MYO7A: variants seen among roughly 807,000 people sequenced by gnomAD.
The protein encoded by MYO7A is unconventional myosin-VIIa.
A neutral mutation model predicts 263.8 loss-of-function variants in MYO7A; 210 were observed. The ratio of observed to expected loss-of-function variants is 0.80; its 90% CI spans 0.71 to 0.89. MYO7A has a LOEUF of 0.89. Among genes scored for constraint, MYO7A ranks in the 40% least tolerant of loss-of-function variants. The probability of loss-of-function intolerance (pLI) is 0.00; values close to 1 mark genes in which losing one functional copy is unlikely to be tolerated. For missense variants in MYO7A, 2,820 were observed against 2,968.3 expected (o/e 0.95, Z 1.16); for synonymous variants, 1,239 against 1,197.3 (o/e 1.03, Z -0.72).
chr11:77,209,101 A>C, intron 44 of MYO7A: 1 of 366,666 alleles, frequency 2.7e-6, no homozygotes, highest in African/African-American at 2.0e-5. Flanking sequence ...CTGCTGTTGT[A>C]ACTGGGTAAT....
intron 40 of MYO7A, 37 bp downstream of exon 40, chr11:77,205,654 G>T (rs769419590): frequency 1.1e-5 from 17 of 1,610,452 alleles, no homozygotes; most frequent in Admixed American, 3.3e-5. Flanking sequence ...AGACACTGGG[G>T]CGGGCTCCTG....
intron 32 of MYO7A, among the ~76,000 whole-genome samples, chr11:77,196,629 C>T (rs930378016): frequency 1.3e-5 from 2 of 152,182 alleles, no homozygotes; most frequent in African/African-American, 4.8e-5. Flanking sequence ...TGTCTCTCTG[C>T]CTACATATGT....
In MYO7A at chr11:77,181,440, G is replaced by A. The variant is rs782787324; in HGVS notation, c.2755G>A (p.Ala919Thr). The change falls in exon 23 of 49, where the codon GCT (alanine) becomes ACT (threonine). Residue 919 changes from alanine (A) to threonine (T), a missense_variant. By Grantham distance (58) the Ala-to-Thr change is moderately conservative (BLOSUM62 0). Coordinates refer to ENST00000409709, the MANE Select transcript of MYO7A (RefSeq NM_000260.4). ...AERELKEKEA[A>T]RRKKELLEQM... ...GCGGGAGCTGAAGGAGAAGGAGGCC[G>A]CTCGGCGGAAGAAGGAGCTCCTGGA... 3.9e-5 allele frequency: 62 copies of A among 1,602,306 alleles called. No homozygotes were observed. Among genetic ancestry groups the A allele is most frequent in the African/African-American group, 3.6e-4 (27 of 74,804 alleles).
In MYO7A at chr11:77,180,018, C is replaced by T. The variant is rs73495760; in HGVS notation, c.2586+65C>T. On this transcript the variant is annotated intron_variant, in intron 21 of 48. Transcript: ENST00000409709. The stretch of plus-strand genomic sequence containing the variant: ...TGGGCGAGGAGTGTCCATGCATCAC[C>T]CTCAGGTGTTGGCCAGGAAGTGGGA... 5,868 of 1,451,078 alleles carry T rather than the reference C, an allele frequency of 4.0e-3. 209 individuals carry two copies. The African/African-American group carries it at 0.072, about 18-fold the overall frequency. The allele number at this position is 1,451,078 out of a possible 1,614,324, so 89.9% of individuals were successfully genotyped here.
intron 42 of MYO7A, 121 bp downstream of exon 42, chr11:77,207,523 C>T (rs1169493384): frequency 6.3e-5 from 47 of 747,080 alleles, no homozygotes; most frequent in Non-Finnish European, 8.3e-5. Context: ...GGCATCTGGC[C>T]ATCTTCTTCC....
chr11:77,172,165 T>A (rs1419476160), intron 15 of MYO7A, among the ~76,000 whole-genome samples: 1 of 152,210 alleles, frequency 6.6e-6, no homozygotes, highest in Admixed American at 6.5e-5. Context: ...TCTAGGTTGC[T>A]GTTTACTGAA....
At chr11:77,190,221 G>C in intron 29 of MYO7A, 82 bp downstream of exon 29, 1 of 1,308,968 alleles carries the variant, frequency 7.6e-7, no homozygotes, top group Non-Finnish European at 1.0e-6. Context: ...CAGTGCACTC[G>C]AGTGCCCCAG....
In MYO7A at chr11:77,202,321, G is replaced by A. The variant is rs544639673; in HGVS notation, c.5065G>A (p.Asp1689Asn). The A allele has an allele frequency of 3.0e-5, 47 of 1,586,216 alleles. No homozygotes were observed. The East Asian group carries it at 6.7e-4, about 22-fold the overall frequency. Residue 1689 changes from aspartate (D) to asparagine (N), a missense_variant, in exon 37 of 49, where the codon GAT becomes AAT. Coordinates refer to ENST00000409709, the MANE Select transcript of MYO7A (RefSeq NM_000260.4). Reference protein sequence around the residue: ...EIVALVTMTPDQRQDVVRLLQ... With the variant: ...EIVALVTMTPNQRQDVVRLLQ... ...CTAGGCCCTGGTCACCATGACTCCC[G>A]ATCAGAGGCAGGACGTTGTCCGGCT...
chr11:77,182,000 C>T lies in MYO7A; in HGVS notation c.2954C>T (p.Ala985Val), dbSNP rs782399117. 1.2e-6 allele frequency: 2 copies of T among 1,613,202 alleles called. No individual in the cohort carries two copies. ...ATGGTGGAGGAGGACCTGGATGCAG[C>T]CCTGCCCCTGCCTGACGAGGATGAG... ...REMVEEDLDA[A>V]LPLPDEDEED... is the part of the protein sequence containing the mutation. The change falls in exon 24 of 49, where the codon GCC becomes GTC. Residue 985 changes from alanine (A) to valine (V), a missense_variant. By Grantham distance (64) the Ala-to-Val change is moderately conservative. Transcript: ENST00000409709.
rs557583261 is a variant in MYO7A, at chr11:77,202,157, G to A, written c.5044-143G>A. The stretch of plus-strand genomic sequence containing the variant: ...GACCTCAGAGACCCCAAGGAGGAAC[G>A]GGGCTCCCAGGGTCAGAATGGGGCA... On this transcript the variant is annotated intron_variant, in intron 36 of 48. Coordinates refer to ENST00000409709, the MANE Select transcript of MYO7A (RefSeq NM_000260.4). 8.1e-5 allele frequency: 88 copies of A among 1,087,104 alleles called. No homozygotes were observed. The East Asian group carries it at 1.3e-3, about 17-fold the overall frequency. The allele number at this position is 1,087,104 out of a possible 1,614,324, so 67.3% of individuals were successfully genotyped here.
intron 3 of MYO7A, among the ~76,000 whole-genome samples, chr11:77,146,906 G>A (rs1951610047): frequency 2.0e-5 from 3 of 152,102 alleles, no homozygotes; most frequent in Admixed American, 2.0e-4. Context: ...CCAGGGCTTT[G>A]CCAGCTTGTT....
At chr11:77,154,630 C>A (rs2135208245) in intron 4 of MYO7A, among the ~76,000 whole-genome samples, 1 of 151,646 alleles carries the variant, frequency 6.6e-6, no homozygotes, top group South Asian at 2.1e-4. Flanking sequence ...CCCGCCCCCA[C>A]CCCACCCCAG....
At position 77,204,085 on chromosome 11, in the gene MYO7A, A is replaced by G. The variant is rs1350260477; in HGVS notation, c.5336A>G (p.Lys1779Arg). The G allele has an allele frequency of 1.2e-6, 2 of 1,600,668 alleles. No homozygotes were observed. The highest frequency in any genetic ancestry group is 1.7e-5 in the Admixed American group (1 of 58,498). ...CCTTGACAGTCCCCAGCTGTGCTCA[A>G]GTACATGGGCGACTACCCGTCCAAG... is the stretch of plus-strand genomic sequence containing the variant. ...EACLAFIAVL[K>R]YMGDYPSKRT... The change falls in exon 39 of 49, where the codon AAG (lysine) becomes AGG (arginine). Residue 1779 changes from lysine to arginine, a missense_variant. Transcript: ENST00000409709.
At position 77,161,113 on chromosome 11, in the gene MYO7A, C is replaced by T; in HGVS notation, c.1341C>T (p.Asn447=). ...DIFGFENFAV[N]SFEQLCINFA... ...TTGGGTTTGAGAACTTTGCTGTGAA[C>T]AGGTACCGCGTGGGGCTCTGCTCAT... Residue 447 remains asparagine, a splice_region_variant and synonymous_variant, in exon 12 of 49, where the codon AAC becomes AAT. Coordinates refer to ENST00000409709, the MANE Select transcript of MYO7A (RefSeq NM_000260.4). The T allele has an allele frequency of 1.9e-6, 3 of 1,614,010 alleles. No individual in the cohort carries two copies. Among genetic ancestry groups the T allele is most frequent in the Non-Finnish European group, 2.5e-6 (3 of 1,179,876 alleles).
In MYO7A at chr11:77,211,232, C is replaced by A; in HGVS notation, c.6132C>A (p.Val2044=). ...AGCTGGGGGCGCTGATCTACAGGGT[C>A]AAGTTCGAGGAGGACAAGTCCTACT... is the stretch of plus-strand genomic sequence containing the variant. ...VLQLGALIYR[V]KFEEDKSYFP... Residue 2044 remains valine (V), a synonymous_variant, in exon 45 of 49, where the codon GTC becomes GTA. Transcript: ENST00000409709. 6.3e-7 allele frequency: 1 copy of A among 1,588,708 alleles called. No individual in the cohort carries two copies. The highest frequency in any genetic ancestry group is 8.6e-7 in the Non-Finnish European group (1 of 1,167,808).
At position 77,198,633 on chromosome 11, in the gene MYO7A, C is replaced by G. The variant is rs72933642; in HGVS notation, c.4568+12C>G. ...GTGTCCAGCAGCAGGTGAGGAGGCC[C>G]GCATGGAGATGCAGACAGACAGAGG... On this transcript the variant is annotated intron_variant, in intron 34 of 48. Coordinates refer to ENST00000409709, the MANE Select transcript of MYO7A (RefSeq NM_000260.4). The G allele has an allele frequency of 6.7e-3, 10,796 of 1,613,342 alleles. 192 individuals carry two copies. Among genetic ancestry groups the G allele is most frequent in the East Asian group, 0.01 (467 of 44,874 alleles).
chr11:77,168,966 TA>T (rs1565374136), intron 15 of MYO7A, among the ~76,000 whole-genome samples: 1 of 152,238 alleles, frequency 6.6e-6, no homozygotes, highest in Non-Finnish European at 1.5e-5. Flanking sequence ...CCCTGCTTTT[TA>T]AAAAATAATT....
chr11:77,205,531 C>T lies in MYO7A; in HGVS notation c.5550C>T (p.Leu1850=), dbSNP rs1056857935. The change falls in exon 40 of 49, where the codon CTC becomes CTT. Residue 1850 remains leucine (L), a synonymous_variant. Coordinates refer to ENST00000409709, the MANE Select transcript of MYO7A (RefSeq NM_000260.4). ...GCCTTTTCCCACCCAGCAACATCCTCCTGCCCCACGTGCAGCGCTTCCTGC... is the reference window on the plus strand; with the variant it reads ...GCCTTTTCCCACCCAGCAACATCCTTCTGCCCCACGTGCAGCGCTTCCTGC... The part of the protein sequence containing the change: ...CTGLFPPSNI[L]LPHVQRFLQS... 5 of 1,608,320 alleles carry T rather than the reference C, an allele frequency of 3.1e-6. No homozygotes were observed. The highest frequency in any genetic ancestry group is 4.2e-6 in the Non-Finnish European group (5 of 1,177,906).
chr11:77,185,851 C>T (rs529252025), intron 27 of MYO7A, among the ~76,000 whole-genome samples: 25 of 152,030 alleles, frequency 1.6e-4, no homozygotes, highest in African/African-American at 6.0e-4. Flanking sequence ...AAAATTACTC[C>T]TTGATCCATA....
Sources: allele counts gnomAD v4.1 joint callset (sites outside exome capture counted in the v4.1 genomes callset), GRCh38; gene constraint gnomAD v4.1.1; transcripts MANE v1.5; gene names NCBI Gene and HGNC (gene_info 2026-07-23, HGNC 2026-07-21).